Variants in STIM2 observed in about 807,000 individuals in gnomAD.
The protein encoded by STIM2 is stromal interaction molecule 2.
A neutral mutation model predicts 85.8 loss-of-function variants in STIM2; 31 were observed. The ratio of observed to expected loss-of-function variants is 0.36; its 90% CI spans 0.27 to 0.49. The LOEUF (loss-of-function observed/expected upper bound fraction) is 0.49. Ranked by LOEUF, STIM2 falls within the 20% of genes least tolerant of loss-of-function variation. STIM2 has a pLI of 0.98. For synonymous variants in STIM2, 356 were observed against 331.1 expected (o/e 1.08, Z -0.82); for missense variants, 841 against 927.6 (o/e 0.91, Z 1.21).
chr4:26,869,299 C>CAAAAAA (rs71186495), intron 1 of STIM2, among the ~76,000 whole-genome samples: 2 of 85,882 alleles, frequency 2.3e-5, no homozygotes, highest in Non-Finnish European at 4.7e-5. Context: ...ACCCTGTCTC[C>CAAAAAA]AAAAAAAAAA....
chr4:26,894,247 C>T (rs1181205557), intron 1 of STIM2, among the ~76,000 whole-genome samples: 1 of 151,734 alleles, frequency 6.6e-6, no homozygotes, highest in African/African-American at 2.4e-5. Flanking sequence ...GAATTTTTGC[C>T]TTGTCTTTTT....
intron 7 of STIM2, among the ~76,000 whole-genome samples, chr4:27,006,338 G>A (rs192550017): frequency 2.1e-4 from 32 of 152,152 alleles, no homozygotes; most frequent in Admixed American, 1.4e-3. Context: ...ACTCTTGTTG[G>A]TTTATTCTGG....
In STIM2 at chr4:27,008,398, T is replaced by C. The variant is rs186946268; in HGVS notation, c.1150-30T>C. 1,856 of 1,398,976 alleles carry C rather than the reference T, an allele frequency of 1.3e-3. 25 individuals carry two copies. In the African/African-American group the frequency reaches 0.025, roughly 19 times the overall value. The allele number at this position is 1,398,976 out of a possible 1,614,324, so 86.7% of individuals were successfully genotyped here. Reference sequence around the variant, plus strand: ...AAAATGTCTGTATTTTTTTCAAACCTAGCCTTATTTAGTCCTTTTCGGTTT... The same window carrying C: ...AAAATGTCTGTATTTTTTTCAAACCCAGCCTTATTTAGTCCTTTTCGGTTT... On this transcript the variant is annotated intron_variant, in intron 8 of 11. Coordinates refer to ENST00000467087, the MANE Select transcript of STIM2 (RefSeq NM_020860.4).
chr4:26,983,037 G>A (rs1341442589), intron 3 of STIM2, among the ~76,000 whole-genome samples: 2 of 152,168 alleles, frequency 1.3e-5, no homozygotes, highest in Non-Finnish European at 2.9e-5. Flanking sequence ...CTGCCACCCT[G>A]TTGTCCGCAT....
At chr4:26,906,966 CAAAAAA>C (rs33976513) in intron 1 of STIM2, among the ~76,000 whole-genome samples, 1 of 116,616 alleles carries the variant, frequency 8.6e-6, no homozygotes, top group African/African-American at 3.1e-5. Flanking sequence ...GACTCCGTCT[CAAAAAA>C]AAAAAAAAAA....
Position 26,911,109 on chromosome 4 carries a change from C to T in STIM2, c.152-8395C>T, listed in dbSNP as rs923010040. On this transcript the variant is annotated intron_variant, in intron 1 of 11. Coordinates refer to ENST00000467087, the MANE Select transcript of STIM2 (RefSeq NM_020860.4). ...AAAATGAGCCAGGCGTGGTGGTGGGCGCCTGTAGTCCCAGCTACTCAGGAG... is the reference window on the plus strand; with the variant it reads ...AAAATGAGCCAGGCGTGGTGGTGGGTGCCTGTAGTCCCAGCTACTCAGGAG... Among the ~76,000 whole-genome samples the T allele has an allele frequency of 4.0e-5, 6 of 151,740 alleles. No homozygotes were observed. The East Asian group carries it at 5.8e-4, about 15-fold the overall frequency.
chr4:26,870,942 C>T (rs1261799517), intron 1 of STIM2, among the ~76,000 whole-genome samples: 4 of 150,190 alleles, frequency 2.7e-5, no homozygotes, highest in African/African-American at 4.9e-5. Context: ...GAAGTATGTG[C>T]CGAGAATGTA....
intron 1 of STIM2, among the ~76,000 whole-genome samples, chr4:26,901,986 A>G (rs1723940568): frequency 6.6e-6 from 1 of 152,198 alleles, no homozygotes; most frequent in African/African-American, 2.4e-5. Context: ...GAGTGAATCA[A>G]TGGCGAAGTG....
chr4:26,891,338 TA>T (rs1282661646), intron 1 of STIM2, among the ~76,000 whole-genome samples: 1 of 152,196 alleles, frequency 6.6e-6, no homozygotes, highest in Non-Finnish European at 1.5e-5. Context: ...CTTAAGACTG[TA>T]ACCTAGACAT....
At chr4:26,959,679 C>A (rs1028665409) in intron 3 of STIM2, among the ~76,000 whole-genome samples, 1 of 150,392 alleles carries the variant, frequency 6.6e-6, no homozygotes, top group African/African-American at 2.4e-5. Flanking sequence ...TTGGTGAGAT[C>A]TTTTGTGATC....
intron 3 of STIM2, among the ~76,000 whole-genome samples, chr4:26,966,892 G>GT (rs1485895978): frequency 3.3e-5 from 5 of 152,132 alleles, no homozygotes; most frequent in Admixed American, 2.6e-4. Flanking sequence ...ATCTCATCTG[G>GT]TTTTATATTT....
At chr4:26,870,574 T>C (rs1162246461) in intron 1 of STIM2, among the ~76,000 whole-genome samples, 2 of 152,188 alleles carry the variant, frequency 1.3e-5, no homozygotes, top group Non-Finnish European at 2.9e-5. Flanking sequence ...AAAAAATTTT[T>C]AACTGATATA....
intron 1 of STIM2, among the ~76,000 whole-genome samples, chr4:26,917,214 G>A (rs983438683): frequency 6.6e-6 from 1 of 152,086 alleles, no homozygotes; most frequent in African/African-American, 2.4e-5. Context: ...AGATAAAATC[G>A]AAAATTTCAA....
chr4:27,022,945 A>G lies in STIM2; in HGVS notation c.2190A>G (p.Lys730=). ...ATGACCTTTGTCATAATGGAGAGAAAAGCAAAAAGCCATCAAAAATCAAAA... is the reference window on the plus strand; with the variant it reads ...ATGACCTTTGTCATAATGGAGAGAAGAGCAAAAAGCCATCAAAAATCAAAA... The change falls in exon 12 of 12, where the codon AAA becomes AAG. Residue 730 remains lysine, a synonymous_variant. Coordinates refer to ENST00000467087, the MANE Select transcript of STIM2 (RefSeq NM_020860.4). The G allele has an allele frequency of 6.2e-7, 1 of 1,613,998 alleles. No individual in the cohort carries two copies. The highest frequency in any genetic ancestry group is 8.5e-7 in the Non-Finnish European group (1 of 1,180,002).
At chr4:26,951,155 A>G (rs901614316) in intron 2 of STIM2, among the ~76,000 whole-genome samples, 2 of 152,158 alleles carry the variant, frequency 1.3e-5, no homozygotes, top group South Asian at 4.1e-4. Flanking sequence ...TTTATTCATA[A>G]TATTGCAATG....
At position 27,008,411 on chromosome 4, in the gene STIM2, T is replaced by C. The variant is rs753476718; in HGVS notation, c.1150-17T>C. 2 of 1,525,456 alleles carry C rather than the reference T, an allele frequency of 1.3e-6. No homozygotes were observed. The highest frequency in any genetic ancestry group is 1.8e-6 in the Non-Finnish European group (2 of 1,127,988). The allele number at this position is 1,525,456 out of a possible 1,614,324, so 94.5% of individuals were successfully genotyped here. On this transcript the variant is annotated splice_polypyrimidine_tract_variant and intron_variant, in intron 8 of 11. Coordinates refer to ENST00000467087, the MANE Select transcript of STIM2 (RefSeq NM_020860.4). The stretch of plus-strand genomic sequence containing the variant: ...TTTTTTCAAACCTAGCCTTATTTAG[T>C]CCTTTTCGGTTTCTAGGCAGAAAAA...
intron 3 of STIM2, among the ~76,000 whole-genome samples, chr4:26,980,206 T>A (rs1016361738): frequency 6.6e-6 from 1 of 152,248 alleles, no homozygotes; most frequent in Non-Finnish European, 1.5e-5. Flanking sequence ...AATTTGCTTA[T>A]TTTGAAAGTA....
At chr4:26,881,649 A>G (rs760269160) in intron 1 of STIM2, 1 of 152,208 alleles carries the variant, frequency 6.6e-6, no homozygotes, top group Non-Finnish European at 1.5e-5. Flanking sequence ...ATTACCCAGT[A>G]TAAAGTATTT....
At chr4:26,862,409 C>T (rs1722251564) in intron 1 of STIM2, among the ~76,000 whole-genome samples, 1 of 150,680 alleles carries the variant, frequency 6.6e-6, no homozygotes, top group Non-Finnish European at 1.5e-5. Flanking sequence ...TTTAAAGTGG[C>T]AGAAGATGAC....
Sources: gnomAD v4.1 joint callset for allele counts (sites outside exome capture counted in the v4.1 genomes callset) on GRCh38, gnomAD v4.1.1 for gene constraint, MANE v1.5 for transcripts, NCBI Gene and HGNC (gene_info 2026-07-23, HGNC 2026-07-21) for gene names.